The following WDR4 variants were observed in gnomAD, a reference collection of about 807,000 sequenced individuals.
WDR4 encodes the protein WDR4 tRNA N7-guanosine methyltransferase non-catalytic subunit.
Under a neutral mutation model 48.6 loss-of-function variants are expected in WDR4, and 47 were observed. The ratio of observed to expected loss-of-function variants is 0.97; its 90% CI spans 0.77 to 1.23. WDR4 has a LOEUF of 1.23. WDR4 is among the 50% of genes most tolerant of loss of function. The probability of loss-of-function intolerance (pLI) is 0.00; values close to 1 mark genes in which losing one functional copy is unlikely to be tolerated. For synonymous variants in WDR4, 268 were observed against 230.0 expected (o/e 1.17, Z -1.49); for missense variants, 606 against 551.6 (o/e 1.10, Z -0.99).
Position 42,849,872 on chromosome 21 carries a change from A to C in WDR4, c.*177T>G. Reference sequence around the variant, plus strand: ...AGAAAGGGGGCACAGGCACCCAGCAAGAGCCTGTGCTGGTGACACAGAATG... The same window carrying C: ...AGAAAGGGGGCACAGGCACCCAGCACGAGCCTGTGCTGGTGACACAGAATG... On this transcript the variant is annotated 3_prime_UTR_variant, in exon 11 of 11. Coordinates refer to ENST00000398208, the MANE Select transcript of WDR4 (RefSeq NM_018669.6). 1.4e-6 allele frequency: 1 copy of C among 732,082 alleles called. No individual in the cohort carries two copies. The highest frequency in any genetic ancestry group is 2.1e-6 in the Non-Finnish European group (1 of 466,154). 45.3% of individuals were successfully genotyped at this position (732,082 alleles called of 1,614,324 possible).
intron 3 of WDR4, among the ~76,000 whole-genome samples, chr21:42,870,985 T>C (rs1011887379): frequency 1.3e-5 from 2 of 152,170 alleles, no homozygotes; most frequent in Non-Finnish European, 2.9e-5. Context: ...AGCCCTGACC[T>C]ACCTAGGACC....
At chr21:42,854,168 A>C (rs572415524) in intron 8 of WDR4, among the ~76,000 whole-genome samples, 7 of 152,380 alleles carry the variant, frequency 4.6e-5, no homozygotes, top group South Asian at 2.1e-4. Context: ...ACTCGGGAAG[A>C]AGCAGCAGAA....
In WDR4 at chr21:42,855,878, G is replaced by A. The variant is rs181672853; in HGVS notation, c.628-98C>T. The A allele has an allele frequency of 1.1e-4, 95 of 881,008 alleles. No individual in the cohort carries two copies. The East Asian group carries it at 2.1e-3, about 19-fold the overall frequency. 54.6% of individuals were successfully genotyped at this position (881,008 alleles called of 1,614,324 possible). A position where few individuals can be genotyped will look rare whatever the true frequency, so the allele number is the denominator to read the frequency against. ...CTGCGTGTGGTCGGGGTTCCACTCC[G>A]TGACAGCCATGCCACCCACCCTCAG... On this transcript the variant is annotated intron_variant, in intron 6 of 10. Coordinates refer to ENST00000398208, the MANE Select transcript of WDR4 (RefSeq NM_018669.6).
chr21:42,852,360 A>C, intron 9 of WDR4, 36 bp from the exon 10 acceptor site: 1 of 1,610,068 alleles, frequency 6.2e-7, no homozygotes, highest in Non-Finnish European at 8.5e-7. Context: ...CATCAGAAAG[A>C]GGCAGGCCTG....
At chr21:42,847,644 A>G (rs1271434371), downstream of WDR4, among the ~76,000 whole-genome samples, 1 of 152,262 alleles carries the variant, frequency 6.6e-6, no homozygotes, top group Admixed American at 6.5e-5. Flanking sequence ...CAGATAAGAC[A>G]TGGACAGACA....
intron 6 of WDR4, among the ~76,000 whole-genome samples, chr21:42,857,567 T>C (rs368703260): frequency 2.4e-4 from 37 of 151,474 alleles, no homozygotes; most frequent in Admixed American, 1.3e-3. Context: ...CAGGAAGAAA[T>C]TGAAGAAAGA....
intron 6 of WDR4, among the ~76,000 whole-genome samples, chr21:42,858,803 G>A (rs556258101): frequency 7.2e-5 from 11 of 152,296 alleles, no homozygotes; most frequent in African/African-American, 2.6e-4. Context: ...AGGAACAGGA[G>A]GCTGTGAATG....
At chr21:42,847,646 G>C (rs983917571), downstream of WDR4, among the ~76,000 whole-genome samples, 4 of 152,208 alleles carry the variant, frequency 2.6e-5, no homozygotes, top group African/African-American at 9.7e-5. Flanking sequence ...GATAAGACAT[G>C]GACAGACAGG....
chr21:42,888,890 G>A, the WDR4 span, among the ~76,000 whole-genome samples: 5 of 151,338 alleles, frequency 3.3e-5, no homozygotes, highest in African/African-American at 7.3e-5. Context: ...TTTTAGTAGC[G>A]ACAGGGTTTC....
At chr21:42,891,956 C>CAA in the WDR4 span, among the ~76,000 whole-genome samples, 1 of 134,026 alleles carries the variant, frequency 7.5e-6, no homozygotes, top group Non-Finnish European at 1.6e-5. Context: ...GACTCTGTCT[C>CAA]AAAAAAAAAA....
the WDR4 span, among the ~76,000 whole-genome samples, chr21:42,892,149 G>T: frequency 6.6e-6 from 1 of 151,148 alleles, no homozygotes; most frequent in Non-Finnish European, 1.5e-5. Context: ...AGCTACTCGG[G>T]AGGCTGAGGC....
At chr21:42,854,858 C>T (rs1602703004) in intron 7 of WDR4, among the ~76,000 whole-genome samples, 1 of 152,042 alleles carries the variant, frequency 6.6e-6, no homozygotes, top group Non-Finnish European at 1.5e-5. Context: ...GCAGGGCCTG[C>T]GACAGCCTCC....
Position 42,852,260 on chromosome 21 carries a change from A to G in WDR4, c.1040T>C (p.Leu347Pro), listed in dbSNP as rs1430926879. The change falls in exon 10 of 11, where the codon CTG (leucine) becomes CCG (proline). Residue 347 changes from leucine to proline, a missense_variant. Transcript: ENST00000398208. ...GCCTGCACCCGTGCTCTCACCTTCC[A>G]GCATGGCCCAGTTCCCACGAAGAAC... ...SGVLRGNWAM[L>P]EGSAGADASF... 5 of 1,614,142 alleles carry G rather than the reference A, an allele frequency of 3.1e-6. No individual in the cohort carries two copies. Among genetic ancestry groups the G allele is most frequent in the Admixed American group, 1.7e-5 (1 of 60,020 alleles).
the WDR4 span, among the ~76,000 whole-genome samples, chr21:42,885,884 CGGG>C: frequency 6.6e-6 from 1 of 151,424 alleles, no homozygotes; most frequent in Non-Finnish European, 1.5e-5. Context: ...TTTGTAGAGA[CGGG>C]GGTCTTGTTC....
chr21:42,852,238 T>C lies in WDR4; in HGVS notation c.1045+17A>G. 1.9e-6 allele frequency: 3 copies of C among 1,613,872 alleles called. No individual in the cohort carries two copies. The highest frequency in any genetic ancestry group is 2.5e-6 in the Non-Finnish European group (3 of 1,179,920). ...CTGGGTGTGACCCCCAAGGGCAGCC[T>C]GCACCCGTGCTCTCACCTTCCAGCA... is the stretch of plus-strand genomic sequence containing the variant. On this transcript the variant is annotated intron_variant, in intron 10 of 10. Transcript: ENST00000398208.
chr21:42,849,709 T>C lies in WDR4; in HGVS notation c.*340A>G, dbSNP rs1355649869. On this transcript the variant is annotated 3_prime_UTR_variant, in exon 11 of 11. Transcript: ENST00000398208. ...GCCCACAGATGCTCCTAGAGGAAGATGCAGCGGACACGAAGGGCGGTATGA... is the reference window on the plus strand; with the variant it reads ...GCCCACAGATGCTCCTAGAGGAAGACGCAGCGGACACGAAGGGCGGTATGA... The C allele has an allele frequency of 2.2e-5, 5 of 229,992 alleles. No homozygotes were observed. In the Admixed American group the frequency reaches 2.4e-4, roughly 11 times the overall value. 14.2% of individuals were successfully genotyped at this position (229,992 alleles called of 1,614,324 possible).
At chr21:42,852,390 C>A in intron 9 of WDR4, 66 bp from the exon 10 acceptor site, 1 of 1,555,550 alleles carries the variant, frequency 6.4e-7, no homozygotes, top group Non-Finnish European at 8.8e-7. Context: ...CACCAGGACG[C>A]AACACATGCT....
chr21:42,887,314 T>TTA, the WDR4 span, among the ~76,000 whole-genome samples: 3 of 147,214 alleles, frequency 2.0e-5, no homozygotes, highest in African/African-American at 5.1e-5. Flanking sequence ...TTTTTTTTTT[T>TTA]ATTTTATAAA....
Position 42,853,609 on chromosome 21 carries a change from G to A in WDR4, c.935C>T (p.Ala312Val), listed in dbSNP as rs1569314844. The A allele has an allele frequency of 8.1e-6, 13 of 1,610,180 alleles. No homozygotes were observed. Among genetic ancestry groups the A allele is most frequent in the Non-Finnish European group, 1.1e-5 (13 of 1,179,012 alleles). Residue 312 changes from alanine (A) to valine (V), a missense_variant, in exon 9 of 11, where the codon GCC becomes GTC. Ala to Val is a moderately conservative substitution (Grantham distance 64). Transcript: ENST00000398208. ...CACAGGCCTGTAGAGCACCAGGGGG[G>A]CTTCCTGGCAGTCCTGGAGCACCCA... ...GLWVLQDCQE[A>V]PLVLYRPVGD... is the part of the protein sequence containing the mutation.
Sources: allele counts gnomAD v4.1 joint callset (sites outside exome capture counted in the v4.1 genomes callset), GRCh38; gene constraint gnomAD v4.1.1; transcripts MANE v1.5; gene names NCBI Gene and HGNC (gene_info 2026-07-23, HGNC 2026-07-21).